GPR108: variants seen among roughly 807,000 people sequenced by gnomAD.
GPR108 encodes G protein-coupled receptor 108.
A neutral mutation model predicts 74.3 loss-of-function variants in GPR108; 60 were observed. The ratio of observed to expected loss-of-function variants is 0.81; its 90% CI spans 0.66 to 1.00. The LOEUF (loss-of-function observed/expected upper bound fraction) is 1.00. Ranked by LOEUF, GPR108 falls within the 50% of genes least tolerant of loss-of-function variation. GPR108 has a pLI of 0.00. For synonymous variants in GPR108, 311 were observed against 292.4 expected (o/e 1.06, Z -0.65); for missense variants, 667 against 703.3 (o/e 0.95, Z 0.58).
chr19:6,736,905 G>C, intron 1 of GPR108, 194 bp from the exon 2 acceptor site: 1 of 708,812 alleles, frequency 1.4e-6, no homozygotes, highest in Admixed American at 3.0e-5. Context: ...TCCGACCTCT[G>C]TTCTGAGAAC....
At position 6,731,232 on chromosome 19, in the gene GPR108, C is replaced by T; in HGVS notation, c.1401G>A (p.Val467=). ...FTRIIAILLQ[V]AVPFQWQWLY... The stretch of plus-strand genomic sequence containing the variant: ...GCCACTGCCACTGAAAGGGCACAGC[C>T]ACCTGCAGCAGGATGGCGATGATGC... The change falls in exon 16 of 18, where the codon GTG becomes GTA. Residue 467 remains valine, a synonymous_variant. Coordinates refer to ENST00000264080, the MANE Select transcript of GPR108 (RefSeq NM_001080452.2). 6.4e-7 allele frequency: 1 copy of T among 1,567,098 alleles called. No homozygotes were observed.
chr19:6,730,587 C>T (rs1968352161), intron 17 of GPR108: 3 of 600,438 alleles, frequency 5.0e-6, no homozygotes, highest in Non-Finnish European at 8.9e-6. Context: ...ACCACCTAGG[C>T]CCCGCCCCCA....
At chr19:6,735,428 GCCCTGAGACACCAACA>G in intron 4 of GPR108, 178 bp downstream of exon 4, 1 of 582,006 alleles carries the variant, frequency 1.7e-6, no homozygotes, top group Non-Finnish European at 3.1e-6. Flanking sequence ...CGGGTCTTCT[GCCCTGAGACACCAACA>G]CCCGCGGAGT....
rs138508139 is a variant in GPR108, at chr19:6,732,505, G to A, written c.978C>T (p.Gly326=). ...GTGCGATGTAGTACATGACGGCAAG[G>A]CCTTCGATGGGGTGGCCCTGGCTGT... ...FINSQGHPIE[G]LAVMYYIAHL... is the part of the protein sequence containing the mutation. The change falls in exon 11 of 18, where the codon GGC becomes GGT. Residue 326 remains glycine, a synonymous_variant. Transcript: ENST00000264080. 434 of 1,613,892 alleles carry A rather than the reference G, an allele frequency of 2.7e-4. 4 individuals carry two copies. In the African/African-American group the frequency reaches 5.5e-3, roughly 20 times the overall value.
At position 6,730,126 on chromosome 19, in the gene GPR108, T is replaced by C; in HGVS notation, c.*186A>G. On this transcript the variant is annotated 3_prime_UTR_variant, in exon 18 of 18. Coordinates refer to ENST00000264080, the MANE Select transcript of GPR108 (RefSeq NM_001080452.2). ...GGTGGTCCCGGGGTAAGGACAGGGC[T>C]GCCCAATATTTGGGGGGAGGAAGGG... 1.6e-6 allele frequency: 1 copy of C among 622,596 alleles called. No homozygotes were observed. The highest frequency in any genetic ancestry group is 2.9e-6 in the Non-Finnish European group (1 of 341,166). The allele number at this position is 622,596 out of a possible 1,614,324, so 38.6% of individuals were successfully genotyped here. A position where few individuals can be genotyped will look rare whatever the true frequency, so the allele number is the denominator to read the frequency against.
intron 7 of GPR108, 39 bp downstream of exon 7, chr19:6,733,806 T>G: frequency 6.2e-7 from 1 of 1,610,960 alleles, no homozygotes; most frequent in Non-Finnish European, 8.5e-7. Context: ...TCCCGTGCTC[T>G]GGGGTGACGG....
rs758356485 is a variant in GPR108 at position 6,734,268 on chromosome 19, AAAC to A, written c.411_413del (p.Leu137del). ...CTTCCGGGAGGAGCCCGGGAAAGATAAACAACGTCTTCTGCTCTCCATACTTCC... is the reference window on the plus strand; with the variant it reads ...CTTCCGGGAGGAGCCCGGGAAAGATAAACGTCTTCTGCTCTCCATACTTCC... On this transcript the variant is annotated inframe_deletion, in exon 5 of 18. Transcript: ENST00000264080. 5.3e-5 allele frequency: 86 copies of A among 1,614,090 alleles called. No homozygotes were observed. Among genetic ancestry groups the A allele is most frequent in the Non-Finnish European group, 6.7e-5 (79 of 1,180,012 alleles).
rs1285982097 is a variant in GPR108 at position 6,729,950 on chromosome 19, G to A, written c.*362C>T. 5 of 254,414 alleles carry A rather than the reference G, an allele frequency of 2.0e-5. No individual in the cohort carries two copies. Among genetic ancestry groups the A allele is most frequent in the African/African-American group, 9.0e-5 (4 of 44,484 alleles). 15.8% of individuals were successfully genotyped at this position (254,414 alleles called of 1,614,324 possible). On this transcript the variant is annotated 3_prime_UTR_variant, in exon 18 of 18. Coordinates refer to ENST00000264080, the MANE Select transcript of GPR108 (RefSeq NM_001080452.2). ...ATATTTATTGAATATACAAAGACAC[G>A]GACCCTGTGCCCGCGCCCCCGCCAC... is the stretch of plus-strand genomic sequence containing the variant.
rs568288208 is a variant in GPR108 at position 6,731,745 on chromosome 19, G to A, written c.1300+146C>T. ...AGAGGCCAGATAAAGGCATTCGGGG[G>A]AAAGAGAGGCCAGACTGGGGCATCC... On this transcript the variant is annotated intron_variant, in intron 14 of 17. Coordinates refer to ENST00000264080, the MANE Select transcript of GPR108 (RefSeq NM_001080452.2). 411 of 982,076 alleles carry A rather than the reference G, an allele frequency of 4.2e-4. 3 individuals are homozygous for A. The African/African-American group carries it at 6.2e-3, about 15-fold the overall frequency. The allele number at this position is 982,076 out of a possible 1,614,324, so 60.8% of individuals were successfully genotyped here.
intron 4 of GPR108, among the ~76,000 whole-genome samples, chr19:6,734,848 C>CATTATTATTATTATT: frequency 7.2e-6 from 1 of 139,724 alleles, no homozygotes. Flanking sequence ...GCCAGCCCTA[C>CATTATTATTATTATT]ATTATTATTA....
rs144129725 is a variant in GPR108 at position 6,734,281 on chromosome 19, T to A, written c.401A>T (p.Gln134Leu). ...CCCGGGAAAGATAAACAACGTCTTC[T>A]GCTCTCCATACTTCCGCACCTGGAC... is the stretch of plus-strand genomic sequence containing the variant. ...LQVQVRKYGE[Q>L]KTLFIFPGLL... The change falls in exon 5 of 18, where the codon CAG becomes CTG. Residue 134 changes from glutamine (Q) to leucine (L), a missense_variant. Physicochemically the swap from Gln to Leu is moderately radical, Grantham distance 113. Coordinates refer to ENST00000264080, the MANE Select transcript of GPR108 (RefSeq NM_001080452.2). The A allele has an allele frequency of 4.3e-6, 7 of 1,613,806 alleles. No individual in the cohort carries two copies. The highest frequency in any genetic ancestry group is 5.1e-6 in the Non-Finnish European group (6 of 1,179,904).
intron 1 of GPR108, 43 bp from the exon 2 acceptor site, chr19:6,736,754 C>T: frequency 1.2e-6 from 2 of 1,612,804 alleles, no homozygotes; most frequent in Non-Finnish European, 1.7e-6. Context: ...GACCTCTTTC[C>T]GCCTGCCCAG....
intron 4 of GPR108, 78 bp from the exon 5 acceptor site, chr19:6,734,385 CT>C: frequency 1.4e-6 from 2 of 1,425,916 alleles, no homozygotes; most frequent in Admixed American, 3.8e-5. Flanking sequence ...TCAGTGGCCC[CT>C]TGGACCCTCT....
intron 17 of GPR108, 51 bp downstream of exon 17, chr19:6,730,936 C>A: frequency 6.3e-7 from 1 of 1,594,808 alleles, no homozygotes; most frequent in Non-Finnish European, 8.6e-7. Flanking sequence ...AGCTGCCCAC[C>A]CCCTACTCCA....
In GPR108 at chr19:6,734,065, C is replaced by T. The variant is rs749424232; in HGVS notation, c.500-11G>A. The T allele has an allele frequency of 1.2e-6, 2 of 1,614,144 alleles. No homozygotes were observed. Among genetic ancestry groups the T allele is most frequent in the South Asian group, 1.1e-5 (1 of 91,082 alleles). The stretch of plus-strand genomic sequence containing the variant: ...CTGCAGAGGTCCCTCCTGTAAGAGA[C>T]CGGGCAGTGATTTTAAGAGATGGAT... On this transcript the variant is annotated splice_polypyrimidine_tract_variant and intron_variant, in intron 5 of 17. Transcript: ENST00000264080.
At chr19:6,736,733 G>T in intron 1 of GPR108, 22 bp from the exon 2 acceptor site, 1 of 1,613,838 alleles carries the variant, frequency 6.2e-7, no homozygotes, top group Non-Finnish European at 8.5e-7. Flanking sequence ...CAAGGAGGCA[G>T]AGGCAGTTCA....
Position 6,730,965 on chromosome 19 carries a change from C to A in GPR108, c.1559+22G>T, listed in dbSNP as rs746244921. 1.2e-5 allele frequency: 19 copies of A among 1,612,234 alleles called. 1 individual carries two copies. In the South Asian group the frequency reaches 1.8e-4, roughly 15 times the overall value. The stretch of plus-strand genomic sequence containing the variant: ...TACTCCACCCCCAGAGCCGCCGGCC[C>A]TGCCCATGGTGCCCAGCTCACACTT... On this transcript the variant is annotated intron_variant, in intron 17 of 17. Transcript: ENST00000264080.
intron 2 of GPR108, among the ~76,000 whole-genome samples, chr19:6,736,387 C>T (rs773204937): frequency 6.6e-6 from 1 of 152,186 alleles, no homozygotes; most frequent in Non-Finnish European, 1.5e-5. Context: ...CCTGAGCCAC[C>T]GCGCCCCGCC....
Position 6,731,911 on chromosome 19 carries a change from G to A in GPR108, c.1280C>T (p.Ala427Val), listed in dbSNP as rs774502234. Reference sequence around the variant, plus strand: ...CTCACCCTTCCCGTCTGTGCCAGACGCATCCTGGAGATGCCGGATGGACCT... The same window carrying A: ...CTCACCCTTCCCGTCTGTGCCAGACACATCCTGGAGATGCCGGATGGACCT... ...VVWSIRHLQD[A>V]SGTDGKVAVN... The change falls in exon 14 of 18, where the codon GCG (alanine) becomes GTG (valine). Residue 427 changes from alanine to valine, a missense_variant. Physicochemically the swap from Ala to Val is moderately conservative, Grantham distance 64. Coordinates refer to ENST00000264080, the MANE Select transcript of GPR108 (RefSeq NM_001080452.2). 1.2e-5 allele frequency: 19 copies of A among 1,612,488 alleles called. No homozygotes were observed. Among genetic ancestry groups the A allele is most frequent in the African/African-American group, 4.0e-5 (3 of 74,916 alleles).
Sources: allele counts gnomAD v4.1 joint callset (sites outside exome capture counted in the v4.1 genomes callset), GRCh38; gene constraint gnomAD v4.1.1; transcripts MANE v1.5; gene names NCBI Gene and HGNC (gene_info 2026-07-23, HGNC 2026-07-21).